Variants in OGA observed in about 807,000 individuals in gnomAD.
OGA encodes O-GlcNAcase.
OGA carries 21 observed loss-of-function variants against 102.0 expected under a neutral mutation model. The observed-to-expected ratio is 0.21, with a 90% CI of 0.15 to 0.30. The LOEUF (loss-of-function observed/expected upper bound fraction) is 0.30. Ranked by LOEUF, OGA falls within the 10% of genes least tolerant of loss-of-function variation. The pLI, the probability that OGA is intolerant of heterozygous loss-of-function variation, is 1.00. For missense variants in OGA, 765 were observed against 1,107.8 expected, an observed-to-expected ratio of 0.69 and a Z score of 4.39; for synonymous variants, 408 against 378.2, an observed-to-expected ratio of 1.08 and a Z score of -0.91.
chr10:101,791,523 G>T, intron 12 of OGA, 84 bp from the exon 13 acceptor site: 1 of 1,084,422 alleles, frequency 9.2e-7, no homozygotes, highest in Non-Finnish European at 1.4e-6. Context: ...AGTCTGGGGA[G>T]GGAGTAACAA....
At chr10:101,787,335 T>C in intron 15 of OGA, 29 bp downstream of exon 15, 1 of 1,544,930 alleles carries the variant, frequency 6.5e-7, no homozygotes, top group Middle Eastern at 1.7e-4. Flanking sequence ...CTTGCCCAAA[T>C]ACCACCAACT....
chr10:101,801,355 G>A (rs1436724522), intron 7 of OGA, among the ~76,000 whole-genome samples: 1 of 149,600 alleles, frequency 6.7e-6, no homozygotes, highest in African/African-American at 2.5e-5. Context: ...TCGGGCCATT[G>A]CACTCCAGCC....
At chr10:101,798,188 G>GTT in intron 9 of OGA, 34 bp from the exon 10 acceptor site, 1 of 1,598,000 alleles carries the variant, frequency 6.3e-7, no homozygotes, top group Non-Finnish European at 8.5e-7. Flanking sequence ...TCAAAAAACT[G>GTT]TAAGCTTAAC....
At chr10:101,814,162 C>CTA (rs2065592789) in intron 1 of OGA, among the ~76,000 whole-genome samples, 2 of 152,232 alleles carry the variant, frequency 1.3e-5, no homozygotes, top group South Asian at 4.2e-4. Flanking sequence ...AACCATGTCT[C>CTA]TACTAAAAAT....
intron 3 of OGA, among the ~76,000 whole-genome samples, chr10:101,810,727 CA>C (rs2065543202): frequency 6.6e-6 from 1 of 152,194 alleles, no homozygotes; most frequent in Non-Finnish European, 1.5e-5. Context: ...ATTTGAAAGG[CA>C]TAAAATGCAG....
rs377455302 is a variant in OGA at position 101,812,982 on chromosome 10, C to T, written c.349+48G>A. ...TGTACAACTACATTTAAAATATAAC[C>T]GTTTTCTTCACAGATTTTGAATTTA... On this transcript the variant is annotated intron_variant, in intron 3 of 15. Coordinates refer to ENST00000361464, the MANE Select transcript of OGA (RefSeq NM_012215.5). The T allele has an allele frequency of 1.6e-5, 21 of 1,338,148 alleles. No homozygotes were observed. The East Asian group carries it at 2.3e-4, about 15-fold the overall frequency. 82.9% of individuals were successfully genotyped at this position (1,338,148 alleles called of 1,614,324 possible).
chr10:101,812,494 C>T, intron 3 of OGA, among the ~76,000 whole-genome samples: 1 of 152,196 alleles, frequency 6.6e-6, no homozygotes, highest in Admixed American at 6.5e-5. Flanking sequence ...GGACCAGTAA[C>T]TGCTGACAAG....
At chr10:101,803,012 G>A (rs1237743637) in intron 7 of OGA, among the ~76,000 whole-genome samples, 6 of 140,432 alleles carry the variant, frequency 4.3e-5, no homozygotes, top group South Asian at 2.4e-4. Flanking sequence ...AAAGCCGGGT[G>A]TGCCTGCAAT....
At position 101,810,214 on chromosome 10, in the gene OGA, T is replaced by C. The variant is rs1172384319; in HGVS notation, c.450A>G (p.Glu150=). 1.2e-6 allele frequency: 2 copies of C among 1,612,318 alleles called. No individual in the cohort carries two copies. Among genetic ancestry groups the C allele is most frequent in the African/African-American group, 2.7e-5 (2 of 74,978 alleles). Residue 150 remains glutamate, a synonymous_variant, in exon 4 of 16, where the codon GAA becomes GAG. Transcript: ENST00000361464. ...CCAATTTACGTTTCAATGTGGATAC[T>C]TCCTTGGGGTTAGAAAAAGTGATAT... The part of the protein sequence containing the change: ...GLDITFSNPK[E]VSTLKRKLDQ...
intron 10 of OGA, among the ~76,000 whole-genome samples, chr10:101,795,215 C>A (rs903683081): frequency 2.0e-5 from 3 of 152,148 alleles, no homozygotes; most frequent in Admixed American, 2.0e-4. Context: ...TTCCCCTACC[C>A]CCTACTTTGA....
At chr10:101,807,300 A>G (rs75823291) in intron 5 of OGA, among the ~76,000 whole-genome samples, 2 of 152,184 alleles carry the variant, frequency 1.3e-5, no homozygotes, top group African/African-American at 4.8e-5. Context: ...AAAACTGTTA[A>G]GCTTTCTATG....
rs748092239 is a variant in OGA, at chr10:101,787,416, T to C, written c.2562A>G (p.Pro854=). ...KMDIHKKVTD[P]SVAKSMMACL... ...AAGCCATCATGCTTTTGGCCACACT[T>C]GGGTCAGTTACTTTTTTGTGAATGT... is the stretch of plus-strand genomic sequence containing the variant. The change falls in exon 15 of 16, where the codon CCA becomes CCG. Residue 854 remains proline (P), a synonymous_variant. Coordinates refer to ENST00000361464, the MANE Select transcript of OGA (RefSeq NM_012215.5). 3.1e-6 allele frequency: 5 copies of C among 1,614,114 alleles called. No homozygotes were observed. In the South Asian group the frequency reaches 5.5e-5, roughly 18 times the overall value.
intron 12 of OGA, among the ~76,000 whole-genome samples, chr10:101,792,028 T>A (rs577561362): frequency 2.3e-4 from 35 of 151,678 alleles, no homozygotes; most frequent in Middle Eastern, 6.8e-3. Flanking sequence ...TTATTTTTTT[T>A]TTTTTTTGAG....
intron 12 of OGA, among the ~76,000 whole-genome samples, chr10:101,791,975 C>T (rs976266538): frequency 2.0e-5 from 3 of 151,906 alleles, no homozygotes; most frequent in South Asian, 4.2e-4. Context: ...TACAGGCACC[C>T]GCCACCACGC....
chr10:101,793,146 G>A (rs2065277988), intron 11 of OGA, among the ~76,000 whole-genome samples: 1 of 152,196 alleles, frequency 6.6e-6, no homozygotes, highest in South Asian at 2.1e-4. Flanking sequence ...CCCACTCTGA[G>A]TTACAGCTTT....
intron 1 of OGA, among the ~76,000 whole-genome samples, chr10:101,816,043 G>T (rs1281178090): frequency 4.1e-5 from 6 of 145,248 alleles, no homozygotes; most frequent in African/African-American, 1.5e-4. Flanking sequence ...AGACCGAGGC[G>T]GGCGGACTGC....
Position 101,806,163 on chromosome 10 carries a change from T to C in OGA, c.653-20A>G. The C allele has an allele frequency of 1.4e-6, 2 of 1,449,354 alleles. No individual in the cohort carries two copies. Among genetic ancestry groups the C allele is most frequent in the Non-Finnish European group, 1.9e-6 (2 of 1,032,630 alleles). The allele number at this position is 1,449,354 out of a possible 1,614,324, so 89.8% of individuals were successfully genotyped here. On this transcript the variant is annotated intron_variant, in intron 5 of 15. Coordinates refer to ENST00000361464, the MANE Select transcript of OGA (RefSeq NM_012215.5). Reference sequence around the variant, plus strand: ...AGTATTCTAAATGTAGGGAGAAAAGTAAAAAAGTCAGAATTAAAATGCTCA... The same window carrying C: ...AGTATTCTAAATGTAGGGAGAAAAGCAAAAAAGTCAGAATTAAAATGCTCA...
At position 101,799,326 on chromosome 10, in the gene OGA, G is replaced by C; in HGVS notation, c.1325C>G (p.Ala442Gly). 1 of 1,614,128 alleles carries C rather than the reference G, an allele frequency of 6.2e-7. No homozygotes were observed. The highest frequency in any genetic ancestry group is 1.1e-5 in the South Asian group (1 of 91,084). ...VYQEPIMSQG[A>G]ALSGEPTTLT... ...AGTAGTAGGCTCACCACTCAAGGCT[G>C]CTCCCTGGCTCATAATGGGCTCCTG... The change falls in exon 9 of 16, where the codon GCA (alanine) becomes GGA (glycine). Residue 442 changes from alanine (A) to glycine (G), a missense_variant. By Grantham distance (60) the Ala-to-Gly change is moderately conservative (BLOSUM62 0). Transcript: ENST00000361464.
intron 10 of OGA, chr10:101,795,998 G>T: frequency 1.8e-6 from 1 of 571,356 alleles, no homozygotes; most frequent in Non-Finnish European, 2.2e-6. Context: ...ACAATACTGT[G>T]TATCATTAAG....
Sources: gnomAD v4.1 joint callset for allele counts (sites outside exome capture counted in the v4.1 genomes callset) on GRCh38, gnomAD v4.1.1 for gene constraint, MANE v1.5 for transcripts, NCBI Gene and HGNC (gene_info 2026-07-23, HGNC 2026-07-21) for gene names.